ERBB4: variants seen among roughly 807,000 people sequenced by gnomAD.
ERBB4 encodes the protein erb-b2 receptor tyrosine kinase 4, also known as receptor tyrosine-protein kinase erbB-4.
A neutral mutation model predicts 158.0 loss-of-function variants in ERBB4; 42 were observed. The ratio of observed to expected loss-of-function variants is 0.27; its 90% confidence interval spans 0.21 to 0.34. The LOEUF is 0.34. Ranked by LOEUF, ERBB4 falls within the 10% of genes least tolerant of loss-of-function variation. ERBB4 has a pLI of 1.00. For synonymous variants in ERBB4, 583 were observed against 558.7 expected (o/e 1.04, Z -0.61); for missense variants, 1,333 against 1,624.1 (o/e 0.82, Z 3.08).
intron 5 of ERBB4, among the ~76,000 whole-genome samples, chr2:211,738,217 T>C (rs1339104097): frequency 6.6e-6 from 1 of 152,132 alleles, no homozygotes; most frequent in Admixed American, 6.5e-5. Flanking sequence ...TTTATAAAGT[T>C]GTATGTCATT....
chr2:212,471,321 A>G (rs1459415145), intron 1 of ERBB4, among the ~76,000 whole-genome samples: 1 of 152,042 alleles, frequency 6.6e-6, no homozygotes, highest in Non-Finnish European at 1.5e-5. Flanking sequence ...TCTAAGAAAG[A>G]GACTCTTTGC....
chr2:212,303,904 AGG>A (rs2086713631), intron 1 of ERBB4, among the ~76,000 whole-genome samples: 1 of 151,602 alleles, frequency 6.6e-6, no homozygotes, highest in Admixed American at 6.6e-5. Context: ...AATTAAAAGT[AGG>A]AACAATGGAA....
At chr2:211,500,769 A>G (rs1051705785) in intron 20 of ERBB4, among the ~76,000 whole-genome samples, 3 of 151,992 alleles carry the variant, frequency 2.0e-5, no homozygotes, top group Non-Finnish European at 4.4e-5. Flanking sequence ...TTTGAAAGCT[A>G]AATTTTGAGA....
chr2:212,077,710 A>G (rs577260434), intron 2 of ERBB4, among the ~76,000 whole-genome samples: 13 of 152,114 alleles, frequency 8.5e-5, no homozygotes, highest in African/African-American at 2.9e-4. Flanking sequence ...TAAGTTAATT[A>G]TATACTTTGT....
At chr2:212,243,607 A>AT (rs1332338999) in intron 1 of ERBB4, among the ~76,000 whole-genome samples, 25 of 152,180 alleles carry the variant, frequency 1.6e-4, no homozygotes, top group African/African-American at 5.6e-4. Flanking sequence ...GATAGGACTT[A>AT]TATAATAAGA....
At chr2:211,426,003 G>A (rs2063618434) in intron 22 of ERBB4, among the ~76,000 whole-genome samples, 1 of 152,070 alleles carries the variant, frequency 6.6e-6, no homozygotes, top group Non-Finnish European at 1.5e-5. Flanking sequence ...TATTTAAGGA[G>A]AACACTTTAT....
intron 17 of ERBB4, among the ~76,000 whole-genome samples, chr2:211,630,068 G>A (rs1416406408): frequency 1.3e-5 from 2 of 152,146 alleles, no homozygotes; most frequent in African/African-American, 4.8e-5. Flanking sequence ...AAACTAAAGA[G>A]CTTCTGCACA....
rs912341517 is a variant in ERBB4, at chr2:211,665,237, G to A, written c.1871+86C>T. On this transcript the variant is annotated intron_variant, in intron 15 of 27. Coordinates refer to ENST00000342788, the MANE Select transcript of ERBB4 (RefSeq NM_005235.3). ...GGATTAGTAGAGTTCTATGAGAATG[G>A]TATACATTTCAGAGATGGTACCAGG... 7 of 1,275,498 alleles carry A rather than the reference G, an allele frequency of 5.5e-6. No homozygotes were observed. The African/African-American group carries it at 7.3e-5, about 13-fold the overall frequency. The allele number at this position is 1,275,498 out of a possible 1,614,324, so 79.0% of individuals were successfully genotyped here. A position where few individuals can be genotyped will look rare whatever the true frequency, so the allele number is the denominator to read the frequency against.
chr2:211,428,319 C>T (rs4672613), intron 22 of ERBB4, 89 bp downstream of exon 22: 14,859 of 794,036 alleles, frequency 0.019, 333 homozygotes, highest in East Asian at 0.071. Context: ...TATAACACAA[C>T]AAAATAATTT....
chr2:211,391,580 G>T (rs1476235134), intron 25 of ERBB4, among the ~76,000 whole-genome samples: 2 of 152,080 alleles, frequency 1.3e-5, no homozygotes, highest in African/African-American at 4.8e-5. Context: ...TTAATTCTGT[G>T]GCCATATCGC....
At chr2:211,844,310 A>C (rs1171907114) in intron 3 of ERBB4, among the ~76,000 whole-genome samples, 1 of 152,184 alleles carries the variant, frequency 6.6e-6, no homozygotes, top group Non-Finnish European at 1.5e-5. Flanking sequence ...TAACACCTTC[A>C]CATTTTATTT....
chr2:212,296,775 G>C (rs944758104), intron 1 of ERBB4, among the ~76,000 whole-genome samples: 2 of 151,922 alleles, frequency 1.3e-5, no homozygotes, highest in Non-Finnish European at 2.9e-5. Context: ...GCTTGGACCA[G>C]GGTGAGGCAA....
intron 1 of ERBB4, among the ~76,000 whole-genome samples, chr2:212,194,289 T>TACACACACACACAC (rs1469853633): frequency 2.4e-5 from 1 of 42,484 alleles, no homozygotes; most frequent in East Asian, 4.1e-4. Flanking sequence ...TTAAATAGTT[T>TACACACACACACAC]ATACACACAC....
At chr2:211,674,049 C>T (rs982871949) in intron 13 of ERBB4, among the ~76,000 whole-genome samples, 2 of 151,986 alleles carry the variant, frequency 1.3e-5, no homozygotes, top group African/African-American at 2.4e-5. Flanking sequence ...ATGAATTTTA[C>T]AATCAATGTC....
At chr2:212,348,492 CA>C (rs1029394357) in intron 1 of ERBB4, among the ~76,000 whole-genome samples, 3 of 151,824 alleles carry the variant, frequency 2.0e-5, no homozygotes, top group Non-Finnish European at 4.4e-5. Flanking sequence ...AATCGTGTAT[CA>C]AAAAAGAAAA....
intron 2 of ERBB4, among the ~76,000 whole-genome samples, chr2:211,958,921 C>G (rs969190616): frequency 1.1e-5 from 1 of 91,252 alleles, no homozygotes; most frequent in East Asian, 1.9e-4. Context: ...TCTTAGGTGC[C>G]TTCTCTTAGG....
At chr2:212,110,258 A>G (rs927258701) in intron 2 of ERBB4, among the ~76,000 whole-genome samples, 3 of 152,212 alleles carry the variant, frequency 2.0e-5, no homozygotes, top group Non-Finnish European at 4.4e-5. Flanking sequence ...ATTTGTTTTC[A>G]TTATTAGCAT....
chr2:212,327,778 G>A (rs1574692353), intron 1 of ERBB4, among the ~76,000 whole-genome samples: 1 of 107,666 alleles, frequency 9.3e-6, no homozygotes, highest in East Asian at 2.7e-4. Flanking sequence ...AGATTCTGAT[G>A]TTAATTGCAC....
intron 1 of ERBB4, among the ~76,000 whole-genome samples, chr2:212,481,141 A>G (rs920317611): frequency 6.6e-6 from 1 of 151,448 alleles, no homozygotes; most frequent in African/African-American, 2.4e-5. Flanking sequence ...TATCACATTT[A>G]TGTTATAGAA....
Sources: allele counts gnomAD v4.1 joint callset (sites outside exome capture counted in the v4.1 genomes callset), GRCh38; gene constraint gnomAD v4.1.1; transcripts MANE v1.5; gene names NCBI Gene and HGNC (gene_info 2026-07-23, HGNC 2026-07-21).